The following VPS13C variants were observed in gnomAD, a reference collection of about 807,000 sequenced individuals.
VPS13C encodes vacuolar protein sorting 13 homolog C, also known as intermembrane lipid transfer protein VPS13C.
In VPS13C, 358 loss-of-function variants were observed where a neutral mutation model predicts 456.8. The observed-to-expected ratio is 0.78, with a 90% CI of 0.72 to 0.86. The LOEUF (loss-of-function observed/expected upper bound fraction) is 0.86, where lower values mean the gene tolerates loss of function less well. Among genes scored for constraint, VPS13C ranks in the 40% least tolerant of loss-of-function variants. The probability of loss-of-function intolerance (pLI) is 0.00; values close to 1 mark genes in which losing one functional copy is unlikely to be tolerated. For synonymous variants in VPS13C, 1,578 were observed against 1,486.7 expected, an observed-to-expected ratio of 1.06 and a Z score of -1.41; for missense variants, 4,818 against 4,385.4, an observed-to-expected ratio of 1.10 and a Z score of -2.79.
Position 61,954,332 on chromosome 15 carries a change from G to C in VPS13C, c.4299+89C>G, listed in dbSNP as rs920527105. ...CAGCCCACATAGATTTTTTTCATCA[G>C]TATCAATTATCTGTAAGTTTAGTAG... On this transcript the variant is annotated intron_variant, in intron 38 of 84. Transcript: ENST00000644861. The C allele has an allele frequency of 2.4e-5, 34 of 1,414,958 alleles. No individual in the cohort carries two copies. The African/African-American group carries it at 4.9e-4, about 20-fold the overall frequency. The allele number at this position is 1,414,958 out of a possible 1,614,324, so 87.7% of individuals were successfully genotyped here. A position where few individuals can be genotyped will look rare whatever the true frequency, so the allele number is the denominator to read the frequency against.
chr15:61,948,353 T>C (rs1455285671), intron 42 of VPS13C, among the ~76,000 whole-genome samples: 1 of 152,084 alleles, frequency 6.6e-6, no homozygotes, highest in African/African-American at 2.4e-5. Context: ...TACTCTAGTT[T>C]ATAAGGAAAT....
chr15:62,010,743 T>A, intron 12 of VPS13C, 144 bp from the exon 13 acceptor site: 1 of 837,102 alleles, frequency 1.2e-6, no homozygotes, highest in Non-Finnish European at 1.7e-6. Flanking sequence ...AAAAAATATT[T>A]AAGCAATTTA....
chr15:61,961,162 G>A (rs1294296246), intron 35 of VPS13C, among the ~76,000 whole-genome samples: 5 of 151,054 alleles, frequency 3.3e-5, no homozygotes, highest in Non-Finnish European at 5.9e-5. Flanking sequence ...TCCAAAGCAG[G>A]TGGATCACCT....
At chr15:61,984,781 A>T (rs776949675) in intron 19 of VPS13C, 76 bp downstream of exon 19, 137 of 1,432,086 alleles carry the variant, frequency 9.6e-5, no homozygotes, top group Non-Finnish European at 1.3e-4. Context: ...AATCATTTTT[A>T]AACCTGAATA....
Position 61,916,359 on chromosome 15 carries a change from T to C in VPS13C, c.8056-337A>G, listed in dbSNP as rs114350895. Among the ~76,000 whole-genome samples, 1,178 of 152,288 alleles carry C rather than the reference T, an allele frequency of 7.7e-3. 22 individuals carry two copies. Among genetic ancestry groups the C allele is most frequent in the African/African-American group, 0.027 (1,126 of 41,570 alleles). Reference sequence around the variant, plus strand: ...TATGTCATTAAATGAGCCACTTAACTGCCTGGCCTTCAGTTTTATCCTCTA... The same window carrying C: ...TATGTCATTAAATGAGCCACTTAACCGCCTGGCCTTCAGTTTTATCCTCTA... On this transcript the variant is annotated intron_variant, in intron 60 of 84. Transcript: ENST00000644861.
chr15:61,886,841 A>G (rs192620147), intron 67 of VPS13C, among the ~76,000 whole-genome samples: 130 of 152,342 alleles, frequency 8.5e-4, no homozygotes, highest in African/African-American at 2.5e-3. Flanking sequence ...ACTGAATAAA[A>G]TATCTACTAC....
chr15:61,938,262 G>A lies in VPS13C; in HGVS notation c.5602-1512C>T, dbSNP rs896035282. Among the ~76,000 whole-genome samples, 9 of 103,438 alleles carry A rather than the reference G, an allele frequency of 8.7e-5. No individual in the cohort carries two copies. The Admixed American group carries it at 9.0e-4, about 10-fold the overall frequency. The allele number at this position is 103,438 out of a possible 152,430, so 67.9% of individuals were successfully genotyped here. ...ACTAAGTTCACCCCTCTTTCACTTT[G>A]CTGTGGGGTGGGGGGGGAACAAGTA... is the stretch of plus-strand genomic sequence containing the variant. On this transcript the variant is annotated intron_variant, in intron 47 of 84. Transcript: ENST00000644861.
intron 16 of VPS13C, among the ~76,000 whole-genome samples, chr15:61,999,572 T>C (rs2046527232): frequency 6.6e-6 from 1 of 152,204 alleles, no homozygotes; most frequent in African/African-American, 2.4e-5. Context: ...CAGAAAGGTA[T>C]TAACAGTAGT....
Position 61,891,520 on chromosome 15 carries a change from C to T in VPS13C, c.9106-1120G>A, listed in dbSNP as rs138625017. 6.9e-3 allele frequency among the ~76,000 whole-genome samples: 1,044 copies of T among 152,234 alleles called. 8 individuals are homozygous for T. The highest frequency in any genetic ancestry group is 0.024 in the African/African-American group (1,001 of 41,524). On this transcript the variant is annotated intron_variant, in intron 66 of 84. Coordinates refer to ENST00000644861, the MANE Select transcript of VPS13C (RefSeq NM_020821.3). ...CTGTATCTGTAAACTACAAAATGTG[C>T]TATGTATCTTAGTTCACAGTTATTA...
Position 62,000,601 on chromosome 15 carries a change from A to T in VPS13C, c.1316T>A (p.Phe439Tyr). The T allele has an allele frequency of 6.2e-7, 1 of 1,608,376 alleles. No individual in the cohort carries two copies. Among genetic ancestry groups the T allele is most frequent in the Non-Finnish European group, 8.5e-7 (1 of 1,178,250 alleles). The part of the protein sequence containing the change: ...IQDLEKTLDV[F>Y]NIILARQQAQ... ...TTGTTGCCTTGCTAAAATTATGTTAAAAACATCTAGAGTCTTCTCCAAGTC... is the reference window on the plus strand; with the variant it reads ...TTGTTGCCTTGCTAAAATTATGTTATAAACATCTAGAGTCTTCTCCAAGTC... Residue 439 changes from phenylalanine to tyrosine, a missense_variant, in exon 16 of 85, where the codon TTT (phenylalanine) becomes TAT (tyrosine). By Grantham distance (22) the Phe-to-Tyr change is conservative. This residue lies in a region of VPS13C where 4,552 missense variants were observed against 4,130.6 expected (regional missense o/e 1.10). Coordinates refer to ENST00000644861, the MANE Select transcript of VPS13C (RefSeq NM_020821.3).
chr15:61,975,888 TTGAG>T (rs1567064755), intron 24 of VPS13C, among the ~76,000 whole-genome samples: 1 of 151,960 alleles, frequency 6.6e-6, no homozygotes, highest in African/African-American at 2.4e-5. Flanking sequence ...TACATATGGG[TTGAG>T]TATCAGAAAT....
Position 61,954,441 on chromosome 15 carries a change from G to A in VPS13C, c.4279C>T (p.Leu1427=). The change falls in exon 38 of 85, where the codon CTG becomes TTG. Residue 1427 remains leucine, a synonymous_variant. Coordinates refer to ENST00000644861, the MANE Select transcript of VPS13C (RefSeq NM_020821.3). ...CACACCTCTTTAATTTCAAAATTCA[G>A]CAGCATATTAATGATGTCTACAGAC... The part of the protein sequence containing the change: ...IRSVDIINML[L]NFEIKEVVVT... 2 of 1,603,556 alleles carry A rather than the reference G, an allele frequency of 1.2e-6. No individual in the cohort carries two copies. Among genetic ancestry groups the A allele is most frequent in the Non-Finnish European group, 8.5e-7 (1 of 1,176,802 alleles).
intron 66 of VPS13C, among the ~76,000 whole-genome samples, chr15:61,898,487 AG>A (rs1405921648): frequency 6.6e-6 from 1 of 152,006 alleles, no homozygotes; most frequent in Non-Finnish European, 1.5e-5. Flanking sequence ...AAACCAACAA[AG>A]ATCAAAAGAG....
intron 76 of VPS13C, 108 bp downstream of exon 76, chr15:61,875,624 C>T (rs1029695207): frequency 1.3e-6 from 1 of 748,978 alleles, no homozygotes; most frequent in Non-Finnish European, 2.2e-6. Context: ...GTGATTTGAA[C>T]ATTATTCAAT....
chr15:61,981,327 C>G lies in VPS13C; in HGVS notation c.2166+15G>C, dbSNP rs373375923. ...GGTCAAAGATGGGCAGACAAAAAAA[C>G]GCATATATACCTACCTGAAATGTAC... On this transcript the variant is annotated intron_variant, in intron 22 of 84. Coordinates refer to ENST00000644861, the MANE Select transcript of VPS13C (RefSeq NM_020821.3). The G allele has an allele frequency of 3.2e-6, 5 of 1,569,396 alleles. No individual in the cohort carries two copies. Among genetic ancestry groups the G allele is most frequent in the Non-Finnish European group, 4.3e-6 (5 of 1,162,236 alleles).
chr15:61,873,614 TGA>T (rs1383623795), intron 77 of VPS13C, among the ~76,000 whole-genome samples: 1 of 151,824 alleles, frequency 6.6e-6, no homozygotes, highest in Non-Finnish European at 1.5e-5. Context: ...AAAACCACAG[TGA>T]GATATTATCT....
chr15:62,028,510 C>T, intron 5 of VPS13C, 90 bp from the exon 6 acceptor site: 1 of 1,262,506 alleles, frequency 7.9e-7, no homozygotes, highest in Non-Finnish European at 1.1e-6. Context: ...AATTTAATTT[C>T]ATATAATTAG....
chr15:62,002,765 A>G (rs1328256677), intron 15 of VPS13C, among the ~76,000 whole-genome samples: 5 of 152,172 alleles, frequency 3.3e-5, no homozygotes, highest in East Asian at 1.9e-4. Flanking sequence ...AGCACCATTT[A>G]TTAAATAGGG....
chr15:61,949,465 G>A lies in VPS13C; in HGVS notation c.4737C>T (p.Ser1579=), dbSNP rs2044712812. ...TACCAGCTTTGACAGCGATACTTCT[G>A]GACTCCCCCACAAGTGGTTTCAGCT... ...ESELKPLVGE[S]RSIAVKAVSS... The change falls in exon 42 of 85, where the codon TCC becomes TCT. Residue 1579 remains serine (S), a synonymous_variant. Coordinates refer to ENST00000644861, the MANE Select transcript of VPS13C (RefSeq NM_020821.3). The A allele has an allele frequency of 1.9e-6, 3 of 1,613,090 alleles. No homozygotes were observed. Among genetic ancestry groups the A allele is most frequent in the East Asian group, 2.2e-5 (1 of 44,852 alleles).
Sources: gnomAD v4.1 joint callset for allele counts (sites outside exome capture counted in the v4.1 genomes callset) on GRCh38, gnomAD v4.1.1 for gene constraint, gnomAD v4.1.1 regional missense constraint, MANE v1.5 for transcripts, NCBI Gene and HGNC (gene_info 2026-07-23, HGNC 2026-07-21) for gene names.